Variants in VPS13B observed in about 807,000 individuals in gnomAD.
The protein encoded by VPS13B is vacuolar protein sorting 13 homolog B.
In VPS13B, 285 loss-of-function variants were observed where a neutral mutation model predicts 426.4. That is an observed-to-expected ratio of 0.67 (90% CI 0.61 to 0.74). The LOEUF (loss-of-function observed/expected upper bound fraction) is 0.74, where lower values mean the gene tolerates loss of function less well. VPS13B is among the 30% of genes least tolerant of loss of function. The pLI, the probability that VPS13B is intolerant of heterozygous loss-of-function variation, is 0.00. For missense variants in VPS13B, 4,537 were observed against 4,782.6 expected, an observed-to-expected ratio of 0.95 and a Z score of 1.51; for synonymous variants, 1,676 against 1,676.4, an observed-to-expected ratio of 1.00 and a Z score of 0.01.
intron 3 of VPS13B, among the ~76,000 whole-genome samples, chr8:99,044,861 C>T (rs1462121417): frequency 4.9e-5 from 2 of 40,528 alleles, no homozygotes. Flanking sequence ...TATACACACA[C>T]ACACACACAC....
At chr8:99,517,216 CA>C (rs1822129497) in intron 29 of VPS13B, among the ~76,000 whole-genome samples, 1 of 152,174 alleles carries the variant, frequency 6.6e-6, no homozygotes, top group Non-Finnish European at 1.5e-5. Context: ...GTCTCCAAAA[CA>C]CTTTTATTCA....
intron 19 of VPS13B, among the ~76,000 whole-genome samples, chr8:99,311,575 G>A (rs2031318974): frequency 6.6e-6 from 1 of 152,162 alleles, no homozygotes; most frequent in South Asian, 2.1e-4. Context: ...TTGCTGAGGA[G>A]TGCTTTACTT....
chr8:99,207,502 A>C (rs1376078555), intron 17 of VPS13B, among the ~76,000 whole-genome samples: 1 of 152,190 alleles, frequency 6.6e-6, no homozygotes, highest in Non-Finnish European at 1.5e-5. Context: ...AAAATATATA[A>C]AGTGTAAGTG....
At chr8:99,088,303 T>C (rs1193290718) in intron 3 of VPS13B, among the ~76,000 whole-genome samples, 5 of 151,810 alleles carry the variant, frequency 3.3e-5, no homozygotes, top group African/African-American at 9.7e-5. Flanking sequence ...TTGTCTTATA[T>C]GACTCATGGT....
At chr8:99,833,679 A>G (rs968030180) in intron 52 of VPS13B, among the ~76,000 whole-genome samples, 1 of 152,222 alleles carries the variant, frequency 6.6e-6, no homozygotes, top group African/African-American at 2.4e-5. Flanking sequence ...TGAAAGCTAT[A>G]TGAACTTATA....
At chr8:99,110,378 A>G (rs1307960860) in intron 5 of VPS13B, among the ~76,000 whole-genome samples, 1 of 152,094 alleles carries the variant, frequency 6.6e-6, no homozygotes, top group African/African-American at 2.4e-5. Flanking sequence ...ATACTTTTAT[A>G]CTTTACCATC....
intron 3 of VPS13B, among the ~76,000 whole-genome samples, chr8:99,052,847 A>G (rs1843632527): frequency 2.0e-5 from 3 of 152,168 alleles, no homozygotes; most frequent in South Asian, 2.1e-4. Flanking sequence ...CTCTGATGGT[A>G]GTTTGTATTT....
intron 19 of VPS13B, among the ~76,000 whole-genome samples, chr8:99,354,955 A>AT (rs1812101891): frequency 6.6e-6 from 1 of 152,304 alleles, no homozygotes; most frequent in African/African-American, 2.4e-5. Context: ...AAACAGACAA[A>AT]CAAAAAACCT....
At chr8:99,085,553 G>A (rs903544626) in intron 3 of VPS13B, among the ~76,000 whole-genome samples, 2 of 152,136 alleles carry the variant, frequency 1.3e-5, no homozygotes, top group African/African-American at 4.8e-5. Context: ...CATCGATGGT[G>A]TTTACAGTCT....
intron 2 of VPS13B, among the ~76,000 whole-genome samples, chr8:99,030,175 G>C (rs1199009097): frequency 1.8e-5 from 2 of 112,614 alleles, no homozygotes; most frequent in Admixed American, 9.3e-5. Flanking sequence ...TATCCCATAG[G>C]CCCTGTAGGC....
In VPS13B at chr8:99,616,809, C is replaced by T. The variant is rs75267080; in HGVS notation, c.5221-25002C>T. Among the ~76,000 whole-genome samples, 660 of 152,318 alleles carry T rather than the reference C, an allele frequency of 4.3e-3. 3 individuals carry two copies. The highest frequency in any genetic ancestry group is 0.015 in the African/African-American group (635 of 41,590). On this transcript the variant is annotated intron_variant, in intron 33 of 61. Transcript: ENST00000357162. The stretch of plus-strand genomic sequence containing the variant: ...CAGAAATCCTGTCTGTAAATAAATA[C>T]ACCAGATATAAATCTGTCTCTAGAC...
rs1393333400 is a variant in VPS13B at position 99,577,605 on chromosome 8, G to A, written c.5192G>A (p.Gly1731Glu). The A allele has an allele frequency of 6.2e-7, 1 of 1,613,760 alleles. No individual in the cohort carries two copies. Among genetic ancestry groups the A allele is most frequent in the Non-Finnish European group, 8.5e-7 (1 of 1,179,756 alleles). ...CAGTTAATAGTAGCAAATATGACTG[G>A]ACTGGAACCATCAAACAAGGCTGCA... ...LHQLIVANMT[G>E]LEPSNKAAEI... Residue 1731 changes from glycine to glutamate, a missense_variant, in exon 33 of 62, where the codon GGA (glycine) becomes GAA (glutamate). This residue lies in a region of VPS13B where 4,311 missense variants were observed against 4,474.3 expected (regional missense o/e 0.96). Coordinates refer to ENST00000357162, the MANE Select transcript of VPS13B (RefSeq NM_152564.5).
intron 19 of VPS13B, among the ~76,000 whole-genome samples, chr8:99,299,618 A>G (rs1468306400): frequency 1.3e-5 from 2 of 151,682 alleles, no homozygotes; most frequent in Non-Finnish European, 2.9e-5. Context: ...CTTACATTTT[A>G]AAAGTAAATT....
intron 3 of VPS13B, among the ~76,000 whole-genome samples, chr8:99,049,977 G>A (rs1843438658): frequency 6.6e-6 from 1 of 150,502 alleles, no homozygotes; most frequent in Non-Finnish European, 1.5e-5. Flanking sequence ...ACTTTCTGGA[G>A]CATTTTGCCT....
intron 6 of VPS13B, among the ~76,000 whole-genome samples, chr8:99,113,863 C>T (rs1847511000): frequency 1.3e-5 from 2 of 151,912 alleles, no homozygotes; most frequent in African/African-American, 4.8e-5. Flanking sequence ...GCGCCTGGCC[C>T]CTCTATTTCT....
At chr8:99,723,232 G>A (rs1305182147) in intron 39 of VPS13B, among the ~76,000 whole-genome samples, 2 of 152,136 alleles carry the variant, frequency 1.3e-5, no homozygotes, top group African/African-American at 2.4e-5. Flanking sequence ...TGTGATGATT[G>A]TAAGAATCAA....
chr8:99,697,246 C>T, intron 35 of VPS13B: 1 of 575,492 alleles, frequency 1.7e-6, no homozygotes, highest in Non-Finnish European at 3.1e-6. Flanking sequence ...CAGGAGGAGG[C>T]AGCCATCCAG....
intron 8 of VPS13B, among the ~76,000 whole-genome samples, chr8:99,133,074 C>T (rs2132549828): frequency 6.6e-6 from 1 of 152,318 alleles, no homozygotes; most frequent in Non-Finnish European, 1.5e-5. Context: ...GACTTTTCCT[C>T]TCTAGCTCAG....
chr8:99,698,368 A>G (rs1832121116), intron 35 of VPS13B, among the ~76,000 whole-genome samples: 1 of 152,098 alleles, frequency 6.6e-6, no homozygotes, highest in Non-Finnish European at 1.5e-5. Flanking sequence ...AATGAGGACC[A>G]CGCGGACTCT....
Sources: allele counts gnomAD v4.1 joint callset (sites outside exome capture counted in the v4.1 genomes callset), GRCh38; gene constraint gnomAD v4.1.1; regional missense constraint gnomAD v4.1.1; transcripts MANE v1.5; gene names NCBI Gene and HGNC (gene_info 2026-07-23, HGNC 2026-07-21).